Variants in RERE observed in about 807,000 individuals in gnomAD.
The protein encoded by RERE is arginine-glutamic acid dipeptide repeats, also known as arginine-glutamic acid dipeptide repeats protein.
A neutral mutation model predicts 146.1 loss-of-function variants in RERE; 40 were observed. That is an observed-to-expected ratio of 0.27 (90% CI 0.21 to 0.36). RERE has a LOEUF of 0.36. RERE is among the 10% of genes least tolerant of loss of function. The pLI, the probability that RERE is intolerant of heterozygous loss-of-function variation, is 1.00. For synonymous variants in RERE, 1,003 were observed against 866.0 expected (o/e 1.16, Z -2.78); for missense variants, 1,933 against 2,138.7 (o/e 0.90, Z 1.90).
intron 1 of RERE, among the ~76,000 whole-genome samples, chr1:8,776,843 C>T (rs7528138): frequency 2.6e-5 from 4 of 152,008 alleles, no homozygotes; most frequent in South Asian, 2.1e-4. Context: ...CCTCAGCCTC[C>T]GGAATAGCTG....
rs3082096 is a variant in RERE, at chr1:8,596,672, C to CTTTTTTT, written c.522+17882_522+17888dup. Among the ~76,000 whole-genome samples, 48 of 137,804 alleles carry CTTTTTTT rather than the reference C, an allele frequency of 3.5e-4. 1 individual carries two copies. Among genetic ancestry groups the CTTTTTTT allele is most frequent in the Admixed American group, 1.3e-3 (18 of 13,752 alleles). 90.4% of individuals were successfully genotyped at this position (137,804 alleles called of 152,430 possible). ...TATAGCCACAAGCTACCATGTCTGG[C>CTTTTTTT]TTTTTTTTTTTTTTTTCTGGTAGAG... On this transcript the variant is annotated intron_variant, in intron 4 of 22. Transcript: ENST00000400908.
At chr1:8,536,088 G>C (rs1426305077) in intron 7 of RERE, among the ~76,000 whole-genome samples, 17 of 145,420 alleles carry the variant, frequency 1.2e-4, no homozygotes, top group Non-Finnish European at 2.4e-4. Flanking sequence ...CCTGGCGATA[G>C]AGCGAGACTC....
chr1:8,518,223 A>T (rs993332332), intron 7 of RERE, among the ~76,000 whole-genome samples: 1 of 152,218 alleles, frequency 6.6e-6, no homozygotes, highest in Non-Finnish European at 1.5e-5. Flanking sequence ...AGAAGGCACC[A>T]CCATGAAGCA....
intron 1 of RERE, among the ~76,000 whole-genome samples, chr1:8,697,495 T>C (rs1214857345): frequency 2.0e-5 from 3 of 150,430 alleles, no homozygotes; most frequent in South Asian, 2.1e-4. Flanking sequence ...CAGGTTCACG[T>C]CATTCTCCTG....
intron 7 of RERE, among the ~76,000 whole-genome samples, chr1:8,512,384 G>A (rs749026949): frequency 6.6e-6 from 1 of 151,426 alleles, no homozygotes; most frequent in South Asian, 2.1e-4. Context: ...ACTACATTTT[G>A]TCTTTTACTT....
chr1:8,467,619 A>C (rs1017489880), intron 10 of RERE, among the ~76,000 whole-genome samples: 3 of 152,186 alleles, frequency 2.0e-5, no homozygotes, highest in Non-Finnish European at 4.4e-5. Context: ...CAACAAAAGG[A>C]ATATCACAAA....
intron 1 of RERE, among the ~76,000 whole-genome samples, chr1:8,727,651 G>A (rs964573365): frequency 6.6e-5 from 10 of 152,024 alleles, no homozygotes; most frequent in East Asian, 1.9e-4. Context: ...GCGCCACCAC[G>A]TCCAGCTGAT....
chr1:8,492,802 T>C (rs980956843), intron 10 of RERE, among the ~76,000 whole-genome samples: 1 of 152,136 alleles, frequency 6.6e-6, no homozygotes, highest in Non-Finnish European at 1.5e-5. Flanking sequence ...CTACAGCTCT[T>C]GGGAAGCTAA....
intron 10 of RERE, among the ~76,000 whole-genome samples, chr1:8,477,331 G>C (rs1644769869): frequency 6.6e-6 from 1 of 152,190 alleles, no homozygotes; most frequent in Non-Finnish European, 1.5e-5. Context: ...TGGCCACAGG[G>C]AGAAAAGCTC....
At chr1:8,574,676 G>T (rs558703187) in intron 4 of RERE, among the ~76,000 whole-genome samples, 17 of 152,002 alleles carry the variant, frequency 1.1e-4, no homozygotes, top group African/African-American at 3.9e-4. Context: ...AATCAGACAC[G>T]AACAAATATA....
chr1:8,369,510 A>T (rs1259857354), intron 12 of RERE, among the ~76,000 whole-genome samples: 13,097 of 48,740 alleles, frequency 0.27, 704 homozygotes, highest in South Asian at 0.38. Context: ...CCTTTTACTA[A>T]AAAAAAAAAA....
chr1:8,585,736 T>A (rs1159809624), intron 4 of RERE, among the ~76,000 whole-genome samples: 1 of 152,202 alleles, frequency 6.6e-6, no homozygotes, highest in Non-Finnish European at 1.5e-5. Flanking sequence ...AATGTATTAT[T>A]TGAAAACTGG....
chr1:8,669,166 G>A (rs948431175), intron 1 of RERE, among the ~76,000 whole-genome samples: 5 of 148,260 alleles, frequency 3.4e-5, no homozygotes, highest in Middle Eastern at 3.4e-3. Context: ...TTGACCTACC[G>A]GGCTCAAGCA....
At chr1:8,470,077 T>C (rs934197410) in intron 10 of RERE, among the ~76,000 whole-genome samples, 4 of 152,142 alleles carry the variant, frequency 2.6e-5, no homozygotes, top group Non-Finnish European at 5.9e-5. Flanking sequence ...TGGCGGATTC[T>C]CTCCTTTTGT....
intron 2 of RERE, among the ~76,000 whole-genome samples, chr1:8,631,364 T>C: frequency 6.6e-6 from 1 of 152,162 alleles, no homozygotes; most frequent in Non-Finnish European, 1.5e-5. Context: ...GTACCACCAC[T>C]ACACTCCAGC....
intron 7 of RERE, among the ~76,000 whole-genome samples, chr1:8,521,845 C>T (rs1645505533): frequency 6.6e-6 from 1 of 152,164 alleles, no homozygotes; most frequent in Non-Finnish European, 1.5e-5. Context: ...ACCCATTTGC[C>T]AGGTACTCTA....
intron 1 of RERE, among the ~76,000 whole-genome samples, chr1:8,674,810 A>C (rs763194228): frequency 1.3e-5 from 2 of 152,194 alleles, no homozygotes; most frequent in Admixed American, 6.5e-5. Context: ...AAAATATCAG[A>C]AGCTCAGTTT....
At chr1:8,369,522 A>T (rs868840238) in intron 12 of RERE, among the ~76,000 whole-genome samples, 3,614 of 140,446 alleles carry the variant, frequency 0.026, 212 homozygotes, top group African/African-American at 0.11. Flanking sequence ...AAAAAAAAAA[A>T]AAAAAAAAAA....
intron 10 of RERE, among the ~76,000 whole-genome samples, chr1:8,486,755 T>TAAAAAAAAAAAAAAAAAAA (rs33956517): frequency 7.4e-5 from 9 of 122,312 alleles, no homozygotes; most frequent in East Asian, 2.3e-4. Context: ...GAGTCCATCT[T>TAAAAAAAAAAAAAAAAAAA]AAAAAAAAAA....
Sources: gnomAD v4.1 joint callset for allele counts (sites outside exome capture counted in the v4.1 genomes callset) on GRCh38, gnomAD v4.1.1 for gene constraint, MANE v1.5 for transcripts, NCBI Gene and HGNC (gene_info 2026-07-23, HGNC 2026-07-21) for gene names.